Variants in PTPRS observed in about 807,000 individuals in gnomAD.
PTPRS encodes the protein receptor-type tyrosine-protein phosphatase S.
PTPRS carries 63 observed loss-of-function variants against 215.3 expected under a neutral mutation model. The observed-to-expected ratio is 0.29, with a 90% confidence interval of 0.24 to 0.36. The LOEUF (loss-of-function observed/expected upper bound fraction) is 0.36, where lower values mean the gene tolerates loss of function less well. PTPRS is among the 10% of genes least tolerant of loss of function. The pLI, the probability that PTPRS is intolerant of heterozygous loss-of-function variation, is 1.00. For missense variants in PTPRS, 2,258 were observed against 2,825.8 expected (o/e 0.80, Z 4.56); for synonymous variants, 1,404 against 1,191.4 (o/e 1.18, Z -3.68).
chr19:5,266,930 C>T (rs566541366), intron 4 of PTPRS, among the ~76,000 whole-genome samples: 24 of 152,292 alleles, frequency 1.6e-4, no homozygotes, highest in African/African-American at 5.1e-4. Context: ...CTAGCTCCAA[C>T]TCCCTTGCTC....
At chr19:5,261,545 C>T (rs1599765435) in intron 6 of PTPRS, among the ~76,000 whole-genome samples, 1 of 152,198 alleles carries the variant, frequency 6.6e-6, no homozygotes, top group East Asian at 1.9e-4. Context: ...GTTTTGGGCC[C>T]CCTTCTCTCT....
At chr19:5,334,721 A>G (rs2050437407) in intron 1 of PTPRS, among the ~76,000 whole-genome samples, 1 of 152,194 alleles carries the variant, frequency 6.6e-6, no homozygotes, top group Admixed American at 6.5e-5. Context: ...AGCTCCTTCC[A>G]GGCGTTAGGA....
intron 1 of PTPRS, among the ~76,000 whole-genome samples, chr19:5,336,696 A>G (rs547756546): frequency 6.6e-6 from 1 of 151,630 alleles, no homozygotes; most frequent in Non-Finnish European, 1.5e-5. Context: ...AGCTTGCCAC[A>G]CGAATCCTGC....
rs762840667 is a variant in PTPRS at position 5,231,602 on chromosome 19, G to T, written c.1863C>A (p.Pro621=). 2.1e-6 allele frequency: 3 copies of T among 1,439,850 alleles called. No homozygotes were observed. Among genetic ancestry groups the T allele is most frequent in the South Asian group, 2.7e-5 (2 of 75,242 alleles). The allele number at this position is 1,439,850 out of a possible 1,614,324, so 89.2% of individuals were successfully genotyped here. The change falls in exon 14 of 38, where the codon CCC becomes CCA. Residue 621 remains proline (P), a synonymous_variant. Transcript: ENST00000262963. ...QRTLQSKPSA[P]PQDVKCVSVR... Reference sequence around the variant, plus strand: ...CGCTGACACATTTAACGTCTTGAGGGGGGGCTGACGGTTCTATTGGAGGGG... The same window carrying T: ...CGCTGACACATTTAACGTCTTGAGGTGGGGCTGACGGTTCTATTGGAGGGG...
rs375236543 is a variant in PTPRS, at chr19:5,215,273, G to A, written c.4318+16C>T. ...AGTGGGGAAGGGCAGGTTAAGACCC[G>A]GGATCTCCGAACTACCTTCAATGGG... On this transcript the variant is annotated intron_variant, in intron 28 of 37. Transcript: ENST00000262963. The A allele has an allele frequency of 1.1e-4, 173 of 1,612,940 alleles. No homozygotes were observed. The highest frequency in any genetic ancestry group is 1.4e-4 in the Non-Finnish European group (166 of 1,179,194).
At position 5,216,768 on chromosome 19, in the gene PTPRS, C is replaced by T; in HGVS notation, c.4049-1G>A. On this transcript the variant is annotated splice_acceptor_variant, in intron 25 of 37. Coordinates refer to ENST00000262963, the MANE Select transcript of PTPRS (RefSeq NM_002850.4). LOFTEE classifies it high-confidence loss of function. ...CTGAGGGGGCTCCTGAGGCCTGAAT[C>T]TGCAAACAGCAAACAATAAATAAAT... The T allele has an allele frequency of 6.4e-7, 1 of 1,562,874 alleles. No individual in the cohort carries two copies. Among genetic ancestry groups the T allele is most frequent in the Non-Finnish European group, 8.7e-7 (1 of 1,150,408 alleles).
rs568688962 is a variant in PTPRS, at chr19:5,231,388, G to A, written c.2077C>T (p.Arg693Cys). Residue 693 changes from arginine to cysteine, a missense_variant, in exon 14 of 38, where the codon CGC (arginine) becomes TGC (cysteine). Physicochemically the swap from Arg to Cys is radical, Grantham distance 180 (BLOSUM62 -3). Coordinates refer to ENST00000262963, the MANE Select transcript of PTPRS (RefSeq NM_002850.4). ...TCTGTGTGAGCGACAGTCGTGATGC[G>A]GTACTGGGTCCACTTCTCCAAGGCC... is the stretch of plus-strand genomic sequence containing the variant. ...LEALEKWTQY[R>C]ITTVAHTEVG... is the part of the protein sequence containing the mutation. The A allele has an allele frequency of 2.5e-5, 41 of 1,613,056 alleles. No homozygotes were observed. The highest frequency in any genetic ancestry group is 1.7e-4 in the Middle Eastern group (1 of 6,060).
chr19:5,225,595 T>A (rs2042412078), intron 17 of PTPRS, 132 bp downstream of exon 17: 3 of 811,508 alleles, frequency 3.7e-6, no homozygotes, highest in South Asian at 3.1e-5. Context: ...CCCTCACACC[T>A]TTGTCTCACT....
In PTPRS at chr19:5,277,520, G is replaced by A. The variant is rs574281648; in HGVS notation, c.92-3176C>T. Among the ~76,000 whole-genome samples, 126 of 151,974 alleles carry A rather than the reference G, an allele frequency of 8.3e-4. 2 individuals are homozygous for A. Among genetic ancestry groups the A allele is most frequent in the Admixed American group, 9.2e-4 (14 of 15,268 alleles). ...AAATACAAAAAATTAGCTGGGCGAG[G>A]TGGCAGGCACCTGTAGTCCCAGCTA... On this transcript the variant is annotated intron_variant, in intron 2 of 37. Transcript: ENST00000262963.
At chr19:5,310,318 CTTTT>C (rs35505548) in intron 1 of PTPRS, among the ~76,000 whole-genome samples, 2 of 134,328 alleles carry the variant, frequency 1.5e-5, no homozygotes, top group Non-Finnish European at 1.6e-5. Context: ...TTTTTCTTTT[CTTTT>C]TTTTTTTTTT....
At chr19:5,276,907 G>A (rs756371736) in intron 2 of PTPRS, among the ~76,000 whole-genome samples, 1 of 152,128 alleles carries the variant, frequency 6.6e-6, no homozygotes, top group African/African-American at 2.4e-5. Context: ...TACAGTATCT[G>A]TGGAGAATTC....
At chr19:5,249,945 T>C (rs2146079014) in intron 9 of PTPRS, among the ~76,000 whole-genome samples, 1 of 152,350 alleles carries the variant, frequency 6.6e-6, no homozygotes, top group South Asian at 2.1e-4. Flanking sequence ...GATGTCATAA[T>C]TTGCAAGGTA....
intron 1 of PTPRS, among the ~76,000 whole-genome samples, chr19:5,314,773 GAGAGCTGA>G (rs1249861342): frequency 6.9e-6 from 1 of 143,894 alleles, no homozygotes; most frequent in Admixed American, 6.8e-5. Flanking sequence ...AGCCAGGGCA[GAGAGCTGA>G]AGATTCGAGA....
In PTPRS at chr19:5,211,595, G is replaced by A. The variant is rs756263229; in HGVS notation, c.5229C>T (p.Gly1743=). The A allele has an allele frequency of 2.5e-6, 4 of 1,607,648 alleles. No homozygotes were observed. The highest frequency in any genetic ancestry group is 3.4e-6 in the Non-Finnish European group (4 of 1,174,862). Residue 1743 remains glycine, a synonymous_variant, in exon 33 of 38, where the codon GGC becomes GGT. Transcript: ENST00000262963. ...GGGAAAGGCATGGCACCTACCTGTA[G>A]CCATCAATGAAGCTGGCGTTGATGT... The part of the protein sequence containing the change: ...SDYINASFID[G]YRQQKAYIAT...
intron 2 of PTPRS, among the ~76,000 whole-genome samples, chr19:5,284,542 T>C (rs1367792904): frequency 6.6e-6 from 1 of 151,960 alleles, no homozygotes; most frequent in Non-Finnish European, 1.5e-5. Context: ...CCAGGCTGAG[T>C]GCAGCGGTGC....
At position 5,245,982 on chromosome 19, in the gene PTPRS, T is replaced by C; in HGVS notation, c.782A>G (p.Asn261Ser). ...CACGGCCACGCAGGTGATGTTCACGTTGCCCCCTGGCATGATCTCGTGGCT... is the reference window on the plus strand; with the variant it reads ...CACGGCCACGCAGGTGATGTTCACGCTGCCCCCTGGCATGATCTCGTGGCT... ...PMSHEIMPGGNVNITCVAVGS... is the reference protein window; with the variant it reads ...PMSHEIMPGGSVNITCVAVGS... Residue 261 changes from asparagine (N) to serine (S), a missense_variant, in exon 10 of 38, where the codon AAC becomes AGC. Asn to Ser is a conservative substitution (Grantham distance 46). Around this residue, in one of 6 missense-constraint regions of PTPRS, gnomAD observed 508 missense variants for 799.4 expected, o/e 0.64. Coordinates refer to ENST00000262963, the MANE Select transcript of PTPRS (RefSeq NM_002850.4). 1 of 1,602,112 alleles carries C rather than the reference T, an allele frequency of 6.2e-7. No homozygotes were observed. Among genetic ancestry groups the C allele is most frequent in the Non-Finnish European group, 8.5e-7 (1 of 1,173,944 alleles).
At chr19:5,280,239 A>C (rs2047731596) in intron 2 of PTPRS, among the ~76,000 whole-genome samples, 1 of 152,216 alleles carries the variant, frequency 6.6e-6, no homozygotes, top group African/African-American at 2.4e-5. Context: ...AGAGGCCTTA[A>C]GAAGGCCCGA....
chr19:5,255,569 A>G (rs1337187950), intron 9 of PTPRS, among the ~76,000 whole-genome samples: 1 of 152,056 alleles, frequency 6.6e-6, no homozygotes, highest in African/African-American at 2.4e-5. Flanking sequence ...AAAACGAAAC[A>G]AAACCAAAGA....
rs181609123 is a variant in PTPRS, at chr19:5,329,081, G to A, written c.-95+11583C>T. Among the ~76,000 whole-genome samples the A allele has an allele frequency of 2.7e-3, 412 of 152,290 alleles. 1 individual carries two copies. The highest frequency in any genetic ancestry group is 8.7e-3 in the African/African-American group (361 of 41,576). On this transcript the variant is annotated intron_variant, in intron 1 of 37. Coordinates refer to ENST00000262963, the MANE Select transcript of PTPRS (RefSeq NM_002850.4). ...AAGGGGTTGCAGACAGAGCGATATCGTGAGGGAAAACAAAACGGGGTGCGG... is the reference window on the plus strand; with the variant it reads ...AAGGGGTTGCAGACAGAGCGATATCATGAGGGAAAACAAAACGGGGTGCGG...
Sources: allele counts gnomAD v4.1 joint callset (sites outside exome capture counted in the v4.1 genomes callset), GRCh38; gene constraint gnomAD v4.1.1; regional missense constraint gnomAD v4.1.1; transcripts MANE v1.5; gene names NCBI Gene and HGNC (gene_info 2026-07-23, HGNC 2026-07-21).